The following EPHA1 variants were observed in gnomAD, a reference collection of about 807,000 sequenced individuals.
EPHA1 encodes ephrin type-A receptor 1.
In EPHA1, 92 loss-of-function variants were observed where a neutral mutation model predicts 110.1. That is an observed-to-expected ratio of 0.84 (90% CI 0.71 to 0.99). The LOEUF (loss-of-function observed/expected upper bound fraction) is 0.99, where lower values mean the gene tolerates loss of function less well. EPHA1 is among the 50% of genes least tolerant of loss of function. The pLI is 0.00. For missense variants in EPHA1, 1,204 were observed against 1,285.4 expected (o/e 0.94, Z 0.97); for synonymous variants, 500 against 516.1 (o/e 0.97, Z 0.42).
At chr7:143,398,562 T>C (rs1356371775) in intron 6 of EPHA1, 39 bp downstream of exon 6, 1 of 1,606,824 alleles carries the variant, frequency 6.2e-7, no homozygotes, top group East Asian at 2.2e-5. Context: ...CCCTTCTGTC[T>C]CCACCAGGTC....
At position 143,401,673 on chromosome 7, in the gene EPHA1, C is replaced by G; in HGVS notation, c.151-68G>C. 6.4e-7 allele frequency: 1 copy of G among 1,559,296 alleles called. No individual in the cohort carries two copies. The highest frequency in any genetic ancestry group is 8.7e-7 in the Non-Finnish European group (1 of 1,147,892). On this transcript the variant is annotated intron_variant, in intron 2 of 17. Coordinates refer to ENST00000275815, the MANE Select transcript of EPHA1 (RefSeq NM_005232.5). The surrounding 1 kb of genome is among the most constrained non-coding windows in gnomAD (Gnocchi z 4.1). The stretch of plus-strand genomic sequence containing the variant: ...CTCCCCAAACCCTTGGTTTTTAGAG[C>G]TGATGGAGAAGCAGCTGTGTCAGAG...
rs767298004 is a variant in EPHA1, at chr7:143,399,997, G to C, written c.489C>G (p.Ser163=). 6.2e-7 allele frequency: 1 copy of C among 1,613,842 alleles called. No individual in the cohort carries two copies. The highest frequency in any genetic ancestry group is 1.1e-5 in the South Asian group (1 of 91,054). The change falls in exon 4 of 18, where the codon TCC becomes TCG. Residue 163 remains serine, a synonymous_variant. Transcript: ENST00000275815. ...AGCAGCGCTCCACATTCAGCTTCAC[G>C]GAGCCAGACACAAGGTCTCGAATGG... ...SFTIRDLVSG[S]VKLNVERCSL...
rs1805418032 is a variant in EPHA1 at position 143,401,499 on chromosome 7, A to G, written c.257T>C (p.Ile86Thr). 1 of 1,613,970 alleles carries G rather than the reference A, an allele frequency of 6.2e-7. No homozygotes were observed. Among genetic ancestry groups the G allele is most frequent in the Non-Finnish European group, 8.5e-7 (1 of 1,180,024 alleles). The change falls in exon 3 of 18, where the codon ATC (isoleucine) becomes ACC (threonine). Residue 86 changes from isoleucine (I) to threonine (T), a missense_variant. By Grantham distance (89) the Ile-to-Thr change is moderately conservative. Transcript: ENST00000275815. This position sits in a 1 kb window ranked among gnomAD's most constrained non-coding sequence, Gnocchi z 4.1. ...DTDHWLRSNWIYRGEEASRVH... is the reference protein window; with the variant it reads ...DTDHWLRSNWTYRGEEASRVH... Reference sequence around the variant, plus strand: ...GCGGGAAGCCTCCTCCCCGCGGTAGATCCAATTGGAGCGAAGCCAGTGGTC... The same window carrying G: ...GCGGGAAGCCTCCTCCCCGCGGTAGGTCCAATTGGAGCGAAGCCAGTGGTC...
At chr7:143,396,319 G>GC in intron 11 of EPHA1, 66 bp downstream of exon 11, 1 of 1,562,862 alleles carries the variant, frequency 6.4e-7, no homozygotes, top group Non-Finnish European at 8.7e-7. Flanking sequence ...GAAGGAAGGG[G>GC]CCTGCTGGTG....
chr7:143,402,737 C>T (rs923316936), intron 2 of EPHA1, among the ~76,000 whole-genome samples: 2 of 152,168 alleles, frequency 1.3e-5, no homozygotes, highest in African/African-American at 4.8e-5. Flanking sequence ...ACAGGGAGGT[C>T]GAGTGACTTG....
chr7:143,400,105 T>C (rs767208227), intron 3 of EPHA1, 52 bp from the exon 4 acceptor site: 40 of 1,530,752 alleles, frequency 2.6e-5, no homozygotes, highest in Non-Finnish European at 3.3e-5. Context: ...CCTGCTTCTT[T>C]CCCACATAAC....
chr7:143,407,605 AC>A lies in EPHA1; in HGVS notation c.150+5del. On this transcript the variant is annotated splice_donor_5th_base_variant and intron_variant, in intron 2 of 17. Coordinates refer to ENST00000275815, the MANE Select transcript of EPHA1 (RefSeq NM_005232.5). ...TTCCAAGATCCTTCCCTCTTCCGAC[AC>A]TTACCCCATCTTTTGGGGGATCCAG... The A allele has an allele frequency of 1.2e-6, 2 of 1,612,632 alleles. No individual in the cohort carries two copies. Among genetic ancestry groups the A allele is most frequent in the Non-Finnish European group, 1.7e-6 (2 of 1,179,346 alleles).
intron 2 of EPHA1, among the ~76,000 whole-genome samples, chr7:143,406,670 T>C (rs114884190): frequency 1.3e-5 from 2 of 152,332 alleles, no homozygotes; most frequent in African/African-American, 2.4e-5. Context: ...TCCAGGTAGA[T>C]AGTGTAAGAA....
rs1196145922 is a variant in EPHA1 at position 143,396,397 on chromosome 7, C to T, written c.1885G>A (p.Val629Ile). The T allele has an allele frequency of 4.3e-6, 7 of 1,612,458 alleles. No individual in the cohort carries two copies. Among genetic ancestry groups the T allele is most frequent in the Non-Finnish European group, 5.9e-6 (7 of 1,179,656 alleles). ...LDPAWLMVDTVIGEGEFGEVY... is the reference protein window; with the variant it reads ...LDPAWLMVDTIIGEGEFGEVY... ...CAGCAGGACTCACCTTCTCCTATGACAGTGTCCACCATCAGCCACGCTGGA... is the reference window on the plus strand; with the variant it reads ...CAGCAGGACTCACCTTCTCCTATGATAGTGTCCACCATCAGCCACGCTGGA... Residue 629 changes from valine to isoleucine, a missense_variant, in exon 11 of 18, where the codon GTC becomes ATC. Val to Ile is a conservative substitution (Grantham distance 29, BLOSUM62 3). Transcript: ENST00000275815.
chr7:143,405,436 CGTGTGTGTGTGTGTGT>C (rs71523910), intron 2 of EPHA1, among the ~76,000 whole-genome samples: 1 of 149,430 alleles, frequency 6.7e-6, no homozygotes, highest in East Asian at 2.0e-4. Flanking sequence ...TGCATGTGTG[CGTGTGTGTGTGTGTGT>C]GTGTGTGTGT....
Position 143,395,641 on chromosome 7 carries a change from CGTGGG to C in EPHA1, c.1898-142_1898-138del. 1.1e-6 allele frequency: 1 copy of C among 898,076 alleles called. No homozygotes were observed. Among genetic ancestry groups the C allele is most frequent in the Non-Finnish European group, 1.7e-6 (1 of 604,960 alleles). 55.6% of individuals were successfully genotyped at this position (898,076 alleles called of 1,614,324 possible). ...GTGGAGTGCCCTTCCTGGGACAGGGCGTGGGCTGTCCTTCCTGGGGAAGGTCAGAG... is the reference window on the plus strand; with the variant it reads ...GTGGAGTGCCCTTCCTGGGACAGGGCCTGTCCTTCCTGGGGAAGGTCAGAG... On this transcript the variant is annotated intron_variant, in intron 11 of 17. Coordinates refer to ENST00000275815, the MANE Select transcript of EPHA1 (RefSeq NM_005232.5). This position sits in a 1 kb window ranked among gnomAD's most constrained non-coding sequence, Gnocchi z 4.7.
chr7:143,392,976 G>A (rs150403677), intron 16 of EPHA1, among the ~76,000 whole-genome samples: 71 of 152,162 alleles, frequency 4.7e-4, no homozygotes, highest in African/African-American at 1.7e-3. Flanking sequence ...CTGCACTCAT[G>A]GTAAAATCCA....
intron 2 of EPHA1, among the ~76,000 whole-genome samples, chr7:143,406,716 C>T (rs888498093): frequency 6.6e-6 from 1 of 152,226 alleles, no homozygotes; most frequent in Non-Finnish European, 1.5e-5. Flanking sequence ...CTACTGTCCA[C>T]TGAAGAATCT....
rs909669475 is a variant in EPHA1 at position 143,395,824 on chromosome 7, C to A, written c.1898-320G>T. ...GCTCATGAAGAGCAAGCTAGTGCGG[C>A]ACTAGTACCCAAGTGGCAGGGACGC... is the stretch of plus-strand genomic sequence containing the variant. On this transcript the variant is annotated intron_variant, in intron 11 of 17. Coordinates refer to ENST00000275815, the MANE Select transcript of EPHA1 (RefSeq NM_005232.5). This position sits in a 1 kb window ranked among gnomAD's most constrained non-coding sequence, Gnocchi z 4.7. Among the ~76,000 whole-genome samples, 4 of 152,244 alleles carry A rather than the reference C, an allele frequency of 2.6e-5. No homozygotes were observed. The highest frequency in any genetic ancestry group is 9.6e-5 in the African/African-American group (4 of 41,472).
At position 143,391,714 on chromosome 7, in the gene EPHA1, CAG is replaced by C. The variant is rs1156529351; in HGVS notation, c.2756_2757del (p.Ser919Ter). On this transcript the variant is annotated frameshift_variant, in exon 17 of 18. Transcript: ENST00000275815. LOFTEE classifies it high-confidence loss of function. ...GSDGIPYRTV[S>X]EWLESIRMKR... ...TTCATGCGTATGGACTCGAGCCACT[CAG>C]AGACGGTTCGATATGGGATCCCATC... is the stretch of plus-strand genomic sequence containing the variant. 7.4e-6 allele frequency: 12 copies of C among 1,614,042 alleles called. No individual in the cohort carries two copies. Among genetic ancestry groups the C allele is most frequent in the African/African-American group, 1.3e-5 (1 of 75,044 alleles).
chr7:143,407,522 C>G (rs920336643), intron 2 of EPHA1, 89 bp downstream of exon 2: 1 of 1,369,716 alleles, frequency 7.3e-7, no homozygotes, highest in Non-Finnish European at 1.0e-6. Context: ...TTTTCCTGCT[C>G]TTTTCTCTGT....
chr7:143,401,369 A>G lies in EPHA1; in HGVS notation c.387T>C (p.Ser129=). The change falls in exon 3 of 18, where the codon AGT becomes AGC. Residue 129 remains serine (S), a synonymous_variant. Transcript: ENST00000275815. The surrounding 1 kb of genome is among the most constrained non-coding windows in gnomAD (Gnocchi z 4.1). ...KETFNLLYME[S]DQDVGIQLRR... Reference sequence around the variant, plus strand: ...GGAGCTGAATGCCCACATCCTGGTCACTCTCCATGTACAGAAGGTTGAAGG... The same window carrying G: ...GGAGCTGAATGCCCACATCCTGGTCGCTCTCCATGTACAGAAGGTTGAAGG... The G allele has an allele frequency of 6.2e-7, 1 of 1,613,904 alleles. No individual in the cohort carries two copies.
Position 143,394,307 on chromosome 7 carries a change from C to T in EPHA1, c.2389G>A (p.Ala797Thr). 6.2e-7 allele frequency: 1 copy of T among 1,614,168 alleles called. No homozygotes were observed. The highest frequency in any genetic ancestry group is 8.5e-7 in the Non-Finnish European group (1 of 1,180,028). ...GTGGTGAAGATCCGATGGGCAATGG[C>T]TTCAGGGGCTGTCCAACGGATAGGG... ...KIPIRWTAPE[A>T]IAHRIFTTAS... Residue 797 changes from alanine (A) to threonine (T), a missense_variant, in exon 15 of 18, where the codon GCC (alanine) becomes ACC (threonine). By Grantham distance (58) the Ala-to-Thr change is moderately conservative (BLOSUM62 0). Transcript: ENST00000275815.
rs1157269496 is a variant in EPHA1, at chr7:143,393,391, G to C, written c.2696+280C>G. 6.6e-6 allele frequency among the ~76,000 whole-genome samples: 1 copy of C among 152,198 alleles called. No homozygotes were observed. The highest frequency in any genetic ancestry group is 1.5e-5 in the Non-Finnish European group (1 of 68,030). ...GGGATTGGCAAGGATGGCTCCGGGA[G>C]TGTCTTAGGTGAGGCTGCCTGAGAA... On this transcript the variant is annotated intron_variant, in intron 16 of 17. Coordinates refer to ENST00000275815, the MANE Select transcript of EPHA1 (RefSeq NM_005232.5). The surrounding 1 kb of genome is among the most constrained non-coding windows in gnomAD (Gnocchi z 5.6).
Sources: allele counts gnomAD v4.1 joint callset (sites outside exome capture counted in the v4.1 genomes callset), GRCh38; gene constraint gnomAD v4.1.1; non-coding constraint Gnocchi (gnomAD v3.1); transcripts MANE v1.5; gene names NCBI Gene and HGNC (gene_info 2026-07-23, HGNC 2026-07-21).